PCDH15: variants seen among roughly 807,000 people sequenced by gnomAD.
PCDH15 encodes the protein protocadherin related 15.
In PCDH15, 129 loss-of-function variants were observed where a neutral mutation model predicts 178.5. That is an observed-to-expected ratio of 0.72 (90% CI 0.63 to 0.84). The LOEUF (loss-of-function observed/expected upper bound fraction) is 0.84. Among genes scored for constraint, PCDH15 ranks in the 40% least tolerant of loss-of-function variants. The pLI is 0.00. For missense variants in PCDH15, 2,230 were observed against 2,099.9 expected (o/e 1.06, Z -1.21); for synonymous variants, 800 against 732.0 (o/e 1.09, Z -1.50).
intron 2 of PCDH15, among the ~76,000 whole-genome samples, chr10:54,557,057 A>G (rs2087378487): frequency 6.6e-6 from 1 of 152,188 alleles, no homozygotes; most frequent in South Asian, 2.1e-4. Context: ...AAAGTTATCC[A>G]TAAATTTTTC....
At chr10:55,239,122 C>T (rs751376745) in intron 1 of PCDH15, among the ~76,000 whole-genome samples, 4 of 152,064 alleles carry the variant, frequency 2.6e-5, no homozygotes, top group Non-Finnish European at 4.4e-5. Flanking sequence ...ATTTGTCTTT[C>T]GGCTTGTGCT....
chr10:55,247,994 C>T (rs1251864431), intron 1 of PCDH15: 8 of 106,574 alleles, frequency 7.5e-5, no homozygotes, highest in African/African-American at 2.7e-4. Flanking sequence ...TTTTTTTTTA[C>T]AAATAGTGTC....
intron 9 of PCDH15, among the ~76,000 whole-genome samples, chr10:54,229,761 T>G (rs1464455655): frequency 4.6e-5 from 7 of 152,176 alleles, no homozygotes; most frequent in African/African-American, 1.7e-4. Context: ...CCTCTTTCTT[T>G]TGTAAATTAT....
At chr10:55,529,741 GTATATATATATATATATA>G (rs56254743) in intron 2 of PCDH15, among the ~76,000 whole-genome samples, 1,513 of 62,764 alleles carry the variant, frequency 0.024, 83 homozygotes, top group Non-Finnish European at 0.029. Flanking sequence ...TTGTCTGTGA[GTATATATATATATATATA>G]TATATATATA....
At chr10:54,359,364 T>C (rs1464458745) in intron 5 of PCDH15, among the ~76,000 whole-genome samples, 1 of 152,052 alleles carries the variant, frequency 6.6e-6, no homozygotes, top group Non-Finnish European at 1.5e-5. Flanking sequence ...AAATGTACTA[T>C]ATTAATTTAA....
chr10:54,471,348 A>T (rs2077905551), intron 3 of PCDH15, among the ~76,000 whole-genome samples: 1 of 152,048 alleles, frequency 6.6e-6, no homozygotes, highest in African/African-American at 2.4e-5. Context: ...CAAAGCCCAA[A>T]CTTGTGTTTT....
At chr10:53,972,922 C>T (rs2089859831) in intron 21 of PCDH15, among the ~76,000 whole-genome samples, 2 of 152,182 alleles carry the variant, frequency 1.3e-5, no homozygotes, top group Non-Finnish European at 1.5e-5. Flanking sequence ...ACCATTTGAC[C>T]CAGCCATCGC....
At chr10:54,365,498 C>A (rs1565091372) in intron 5 of PCDH15, among the ~76,000 whole-genome samples, 1 of 151,964 alleles carries the variant, frequency 6.6e-6, no homozygotes, top group East Asian at 1.9e-4. Flanking sequence ...TCATTAAAAA[C>A]CAGACATATA....
chr10:55,007,111 A>T (rs1040723845), intron 2 of PCDH15, among the ~76,000 whole-genome samples: 1 of 152,034 alleles, frequency 6.6e-6, no homozygotes, highest in African/African-American at 2.4e-5. Context: ...TATAATCTTA[A>T]GCCTCCTCAG....
chr10:54,383,235 G>C (rs138028044), intron 3 of PCDH15, among the ~76,000 whole-genome samples: 1 of 149,274 alleles, frequency 6.7e-6, no homozygotes, highest in African/African-American at 2.5e-5. Context: ...TTAAATACCA[G>C]CAAGAAAAAA....
chr10:54,218,107 C>A (rs955255589), intron 9 of PCDH15, among the ~76,000 whole-genome samples: 7 of 152,074 alleles, frequency 4.6e-5, no homozygotes, highest in Admixed American at 4.6e-4. Flanking sequence ...GAAAACAGAG[C>A]ATGCTTTTTC....
intron 21 of PCDH15, among the ~76,000 whole-genome samples, chr10:53,987,482 C>T (rs2091188006): frequency 1.3e-5 from 2 of 151,960 alleles, no homozygotes; most frequent in Admixed American, 6.6e-5. Flanking sequence ...ATATAAATGG[C>T]TGTTTAAAAA....
chr10:54,221,379 A>G (rs1025933130), intron 9 of PCDH15, among the ~76,000 whole-genome samples: 2 of 152,138 alleles, frequency 1.3e-5, no homozygotes, highest in Non-Finnish European at 2.9e-5. Flanking sequence ...AAAATGCTAC[A>G]CAATTATCTT....
intron 21 of PCDH15, among the ~76,000 whole-genome samples, chr10:53,970,721 C>G (rs1052328990): frequency 2.6e-5 from 4 of 152,030 alleles, no homozygotes; most frequent in Admixed American, 6.6e-5. Context: ...CACATACACC[C>G]TCCCAAGAAT....
At chr10:54,428,735 T>C (rs1956598284) in intron 3 of PCDH15, among the ~76,000 whole-genome samples, 7 of 152,148 alleles carry the variant, frequency 4.6e-5, no homozygotes. Context: ...AGCTTCAGTA[T>C]ATCTGGCAGC....
chr10:54,434,810 A>T (rs533334139), intron 3 of PCDH15, among the ~76,000 whole-genome samples: 1 of 152,130 alleles, frequency 6.6e-6, no homozygotes, highest in African/African-American at 2.4e-5. Flanking sequence ...AAATTATGAC[A>T]TTTTCTTACA....
chr10:55,470,941 C>G (rs892650715), intron 2 of PCDH15, among the ~76,000 whole-genome samples: 1 of 151,742 alleles, frequency 6.6e-6, no homozygotes, highest in Non-Finnish European at 1.5e-5. Context: ...AGGCTTCTTT[C>G]ACTTTGTAAT....
chr10:55,319,883 T>C (rs59028423), upstream of PCDH15, among the ~76,000 whole-genome samples: 789 of 152,206 alleles, frequency 5.2e-3, 11 homozygotes, highest in African/African-American at 0.018. Context: ...CTCCCAGGGC[T>C]TGCCTTGCTC....
At chr10:54,973,951 C>A (rs10825418) in intron 2 of PCDH15, among the ~76,000 whole-genome samples, 58,300 of 151,672 alleles carry the variant, frequency 0.38, 12,434 homozygotes, top group East Asian at 0.67. Context: ...CTACTTGTGC[C>A]TTTATTTACT....
Sources: allele counts gnomAD v4.1 joint callset (sites outside exome capture counted in the v4.1 genomes callset), GRCh38; gene constraint gnomAD v4.1.1; transcripts MANE v1.5; gene names NCBI Gene and HGNC (gene_info 2026-07-23, HGNC 2026-07-21).